The following ADAM17 variants were observed in gnomAD, a reference collection of about 807,000 sequenced individuals.
ADAM17 encodes the protein ADAM metallopeptidase domain 17, also known as disintegrin and metalloproteinase domain-containing protein 17.
ADAM17 carries 39 observed loss-of-function variants against 96.7 expected under a neutral mutation model. That is an observed-to-expected ratio of 0.40 (90% CI 0.31 to 0.53). The LOEUF is 0.53. Ranked by LOEUF, ADAM17 falls within the 20% of genes least tolerant of loss-of-function variation. ADAM17 has a pLI of 0.44. For synonymous variants in ADAM17, 344 were observed against 359.2 expected (o/e 0.96, Z 0.48); for missense variants, 777 against 1,013.2 (o/e 0.77, Z 3.17).
intron 2 of ADAM17, among the ~76,000 whole-genome samples, chr2:9,539,152 G>A (rs981977405): frequency 6.7e-6 from 1 of 149,532 alleles, no homozygotes; most frequent in African/African-American, 2.5e-5. Context: ...CTGTCGCCCA[G>A]GCTGGAGTGC....
At chr2:9,540,824 GA>G (rs1665177569) in intron 2 of ADAM17, among the ~76,000 whole-genome samples, 1 of 152,118 alleles carries the variant, frequency 6.6e-6, no homozygotes, top group South Asian at 2.1e-4. Context: ...CACACAAAAT[GA>G]AAATCAAAAC....
intron 11 of ADAM17, among the ~76,000 whole-genome samples, chr2:9,509,483 G>GAGATAGAGCTATGAATA (rs36112517): frequency 2.6e-5 from 4 of 152,128 alleles, no homozygotes; most frequent in Admixed American, 1.3e-4. Flanking sequence ...CTAGGCACTG[G>GAGATAGAGCTATGAATA]AGATAGAGCT....
intron 12 of ADAM17, among the ~76,000 whole-genome samples, chr2:9,502,658 C>T (rs1663076124): frequency 6.6e-6 from 1 of 151,948 alleles, no homozygotes; most frequent in Admixed American, 6.6e-5. Flanking sequence ...GGGTGGATCA[C>T]CTGAGGTCAG....
rs548548539 is a variant in ADAM17 at position 9,489,725 on chromosome 2, C to CAAAAAAAAAAAAAAAAAAAAA, written c.*431_*451dup. ...TATCTCCTTTGTTTTTAGTTGAAGG[C>CAAAAAAAAAAAAAAAAAAAAA]AAAAAAAAAAAAAAAAAAAAAAAAC... On this transcript the variant is annotated 3_prime_UTR_variant, in exon 19 of 19. Coordinates refer to ENST00000310823, the MANE Select transcript of ADAM17 (RefSeq NM_003183.6). 1.3e-5 allele frequency: 1 copy of CAAAAAAAAAAAAAAAAAAAAA among 78,330 alleles called. No individual in the cohort carries two copies. Among genetic ancestry groups the CAAAAAAAAAAAAAAAAAAAAA allele is most frequent in the African/African-American group, 4.8e-5 (1 of 20,874 alleles). 4.9% of individuals were successfully genotyped at this position (78,330 alleles called of 1,614,324 possible).
At position 9,489,520 on chromosome 2, in the gene ADAM17, G is replaced by A. The variant is rs556327133; in HGVS notation, c.*657C>T. ...TTCCATAAATTCAACTGGCTACCAT[G>A]TATAGCCCTCACTGTAAGGTAGGTG... On this transcript the variant is annotated 3_prime_UTR_variant, in exon 19 of 19. Coordinates refer to ENST00000310823, the MANE Select transcript of ADAM17 (RefSeq NM_003183.6). 1 of 152,384 alleles carries A rather than the reference G, an allele frequency of 6.6e-6. No homozygotes were observed. The highest frequency in any genetic ancestry group is 1.9e-4 in the East Asian group (1 of 5,176). The allele number at this position is 152,384 out of a possible 1,614,324, so 9.4% of individuals were successfully genotyped here.
chr2:9,491,293 A>G (rs1662123879), intron 17 of ADAM17, 142 bp from the exon 18 acceptor site: 1 of 670,794 alleles, frequency 1.5e-6, no homozygotes, highest in African/African-American at 1.8e-5. Flanking sequence ...AACAGATGAC[A>G]ATCCATTTCT....
rs2124947234 is a variant in ADAM17 at position 9,490,150 on chromosome 2, CTT to C, written c.*25_*26del. 6.4e-7 allele frequency: 1 copy of C among 1,557,740 alleles called. No individual in the cohort carries two copies. Among genetic ancestry groups the C allele is most frequent in the African/African-American group, 1.4e-5 (1 of 73,460 alleles). On this transcript the variant is annotated 3_prime_UTR_variant, in exon 19 of 19. Coordinates refer to ENST00000310823, the MANE Select transcript of ADAM17 (RefSeq NM_003183.6). Reference sequence around the variant, plus strand: ...CAAATCTATAAAAATATTTTGCACACTTAAGTCAGAAGAGCTGAGAACTAAAT... The same window carrying C: ...CAAATCTATAAAAATATTTTGCACACAAGTCAGAAGAGCTGAGAACTAAAT...
intron 10 of ADAM17, among the ~76,000 whole-genome samples, chr2:9,514,072 TTTTTC>T (rs1342175310): frequency 2.0e-5 from 3 of 151,928 alleles, no homozygotes; most frequent in Admixed American, 2.0e-4. Flanking sequence ...AATTAGTGTC[TTTTTC>T]TTTTCTCATA....
chr2:9,508,073 C>T (rs1433229262), intron 11 of ADAM17, among the ~76,000 whole-genome samples: 1 of 152,188 alleles, frequency 6.6e-6, no homozygotes, highest in Non-Finnish European at 1.5e-5. Context: ...GAGTCAGCAG[C>T]ATGCATGTCC....
chr2:9,519,891 G>C (rs1372754340), intron 8 of ADAM17, among the ~76,000 whole-genome samples: 1 of 152,192 alleles, frequency 6.6e-6, no homozygotes, highest in Admixed American at 6.5e-5. Flanking sequence ...AGCCTATGCT[G>C]CTTTGTCATG....
In ADAM17 at chr2:9,489,880, GTAAA is replaced by G. The variant is rs1246812797; in HGVS notation, c.*293_*296del. On this transcript the variant is annotated 3_prime_UTR_variant, in exon 19 of 19. Transcript: ENST00000310823. ...ATATAAAAGATTAATTTACAAAAAC[GTAAA>G]TATTCATAACCCAATCCAGCTGTAT... 1 of 273,942 alleles carries G rather than the reference GTAAA, an allele frequency of 3.7e-6. No individual in the cohort carries two copies. Among genetic ancestry groups the G allele is most frequent in the Non-Finnish European group, 6.9e-6 (1 of 143,930 alleles). The allele number at this position is 273,942 out of a possible 1,614,324, so 17.0% of individuals were successfully genotyped here.
chr2:9,489,719 T>C lies in ADAM17; in HGVS notation c.*458A>G, dbSNP rs988384031. The stretch of plus-strand genomic sequence containing the variant: ...TAGATTTATCTCCTTTGTTTTTAGT[T>C]GAAGGCAAAAAAAAAAAAAAAAAAA... On this transcript the variant is annotated 3_prime_UTR_variant, in exon 19 of 19. Coordinates refer to ENST00000310823, the MANE Select transcript of ADAM17 (RefSeq NM_003183.6). 8.2e-6 allele frequency: 1 copy of C among 121,962 alleles called. No individual in the cohort carries two copies. Among genetic ancestry groups the C allele is most frequent in the African/African-American group, 3.5e-5 (1 of 28,692 alleles). 7.6% of individuals were successfully genotyped at this position (121,962 alleles called of 1,614,324 possible). A position where few individuals can be genotyped will look rare whatever the true frequency, so the allele number is the denominator to read the frequency against.
At chr2:9,519,460 G>T (rs886792502) in intron 8 of ADAM17, among the ~76,000 whole-genome samples, 1 of 152,190 alleles carries the variant, frequency 6.6e-6, no homozygotes, top group African/African-American at 2.4e-5. Context: ...TGTTCTAGGA[G>T]TCAGGAGATC....
intron 2 of ADAM17, among the ~76,000 whole-genome samples, chr2:9,541,659 T>C (rs6432016): frequency 0.064 from 9,693 of 152,108 alleles, 1,093 homozygotes; most frequent in African/African-American, 0.22. Context: ...AGTAAAAACT[T>C]TGCATATCCT....
At chr2:9,524,464 T>C (rs73151535) in intron 6 of ADAM17, among the ~76,000 whole-genome samples, 9,640 of 151,998 alleles carry the variant, frequency 0.063, 1,082 homozygotes, top group African/African-American at 0.22. Context: ...CACTCCGGCC[T>C]GGGCGACAGA....
intron 1 of ADAM17, among the ~76,000 whole-genome samples, chr2:9,554,927 C>T (rs374275141): frequency 1.2e-4 from 19 of 152,146 alleles, no homozygotes; most frequent in African/African-American, 4.3e-4. Context: ...CTCCCAAGCA[C>T]CTCCAATAAG....
chr2:9,532,727 G>A (rs1432365662), intron 4 of ADAM17, among the ~76,000 whole-genome samples: 1 of 147,728 alleles, frequency 6.8e-6, no homozygotes, highest in Middle Eastern at 3.3e-3. Flanking sequence ...GGCTCAAGCA[G>A]TCCACCCGCC....
At chr2:9,542,625 C>G (rs1050654027) in intron 2 of ADAM17, among the ~76,000 whole-genome samples, 1 of 149,688 alleles carries the variant, frequency 6.7e-6, no homozygotes, top group Non-Finnish European at 1.5e-5. Flanking sequence ...TTCTAAACAT[C>G]GTTACCATCA....
intron 12 of ADAM17, 57 bp from the exon 13 acceptor site, chr2:9,502,333 T>C: frequency 6.9e-7 from 1 of 1,446,342 alleles, no homozygotes; most frequent in South Asian, 1.2e-5. Flanking sequence ...CCATATCAAA[T>C]CAAACGCTAC....
Sources: allele counts gnomAD v4.1 joint callset (sites outside exome capture counted in the v4.1 genomes callset), GRCh38; gene constraint gnomAD v4.1.1; transcripts MANE v1.5; gene names NCBI Gene and HGNC (gene_info 2026-07-23, HGNC 2026-07-21).